Variants in SHISA9 observed in about 807,000 individuals in gnomAD.
The protein encoded by SHISA9 is shisa family member 9, also known as protein shisa-9.
In SHISA9, 13 loss-of-function variants were observed where a neutral mutation model predicts 38.0. The ratio of observed to expected loss-of-function variants is 0.34; its 90% CI spans 0.22 to 0.54. SHISA9 has a LOEUF of 0.54. SHISA9 is among the 20% of genes least tolerant of loss of function. The probability of loss-of-function intolerance (pLI) is 0.91; values close to 1 mark genes in which losing one functional copy is unlikely to be tolerated. For synonymous variants in SHISA9, 275 were observed against 242.0 expected (o/e 1.14, Z -1.27); for missense variants, 538 against 575.8 (o/e 0.93, Z 0.67).
intron 2 of SHISA9, among the ~76,000 whole-genome samples, chr16:13,175,953 G>C (rs191085893): frequency 6.6e-6 from 1 of 152,182 alleles, no homozygotes; most frequent in South Asian, 2.1e-4. Context: ...ACCGAGGTAT[G>C]TTCTCACTCT....
chr16:13,505,258 A>G, the SHISA9 span, among the ~76,000 whole-genome samples: 2 of 152,204 alleles, frequency 1.3e-5, no homozygotes, highest in Admixed American at 6.5e-5. Context: ...GCCTGGCATA[A>G]GAAAGTCCAA....
chr16:13,339,643 G>T, the SHISA9 span, among the ~76,000 whole-genome samples: 1 of 152,030 alleles, frequency 6.6e-6, no homozygotes, highest in Non-Finnish European at 1.5e-5. Flanking sequence ...TGAGAAAGAG[G>T]TGTGGAGAAA....
the SHISA9 span, among the ~76,000 whole-genome samples, chr16:13,352,065 A>T: frequency 1.3e-5 from 2 of 152,160 alleles, no homozygotes; most frequent in Non-Finnish European, 2.9e-5. Flanking sequence ...TGGAGAGAGG[A>T]TGTGATAGCT....
At chr16:13,074,655 T>C (rs193250286) in intron 2 of SHISA9, among the ~76,000 whole-genome samples, 360 of 151,424 alleles carry the variant, frequency 2.4e-3, no homozygotes, top group Non-Finnish European at 4.1e-3. Context: ...TTTTCTTTTC[T>C]CTTTTTCTTT....
the SHISA9 span, among the ~76,000 whole-genome samples, chr16:13,467,957 C>A: frequency 1.1e-4 from 16 of 152,282 alleles, no homozygotes; most frequent in East Asian, 2.7e-3. Context: ...ATGTCGCTAT[C>A]CTTCATGGTG....
At chr16:13,104,955 A>G (rs567680983) in intron 2 of SHISA9, among the ~76,000 whole-genome samples, 56 of 152,290 alleles carry the variant, frequency 3.7e-4, no homozygotes, top group Non-Finnish European at 6.6e-4. Context: ...GCCACTGTCA[A>G]TTACTTACGT....
At chr16:13,214,138 T>C (rs1394257852) in intron 4 of SHISA9, among the ~76,000 whole-genome samples, 1 of 152,198 alleles carries the variant, frequency 6.6e-6, no homozygotes, top group Non-Finnish European at 1.5e-5. Context: ...CCCTTCTCCA[T>C]ATGCTTTGTT....
intron 2 of SHISA9, among the ~76,000 whole-genome samples, chr16:12,986,169 T>G (rs1195516671): frequency 2.0e-5 from 3 of 152,220 alleles, no homozygotes; most frequent in Non-Finnish European, 1.5e-5. Flanking sequence ...AAGGATCTAC[T>G]TCTACAGAAC....
intron 2 of SHISA9, among the ~76,000 whole-genome samples, chr16:13,036,590 T>C (rs1453367452): frequency 6.6e-6 from 1 of 152,138 alleles, no homozygotes; most frequent in Non-Finnish European, 1.5e-5. Flanking sequence ...GTCATCAAAA[T>C]GTACAATTAA....
chr16:13,421,689 T>C, the SHISA9 span, among the ~76,000 whole-genome samples: 1 of 152,360 alleles, frequency 6.6e-6, no homozygotes, highest in South Asian at 2.1e-4. Flanking sequence ...TTTTAATTTA[T>C]GTCATTTTGT....
At chr16:13,002,743 G>C (rs2072541949) in intron 2 of SHISA9, among the ~76,000 whole-genome samples, 1 of 151,912 alleles carries the variant, frequency 6.6e-6, no homozygotes, top group Admixed American at 6.6e-5. Context: ...ACGTTGGCCA[G>C]GCTGGTCTGG....
chr16:13,100,638 C>T (rs1389839495), intron 2 of SHISA9, among the ~76,000 whole-genome samples: 1 of 152,134 alleles, frequency 6.6e-6, no homozygotes, highest in African/African-American at 2.4e-5. Flanking sequence ...AGTGTGCACT[C>T]CAGGAGAAAG....
At chr16:12,967,481 G>A (rs1195232089) in intron 2 of SHISA9, among the ~76,000 whole-genome samples, 2 of 151,946 alleles carry the variant, frequency 1.3e-5, no homozygotes, top group Non-Finnish European at 2.9e-5. Context: ...AATGGGTGCA[G>A]CACACCAATA....
At chr16:12,943,310 TGTGTGTGTGTGTGTGTGTGTGAGAGAGA>T (rs2071638893) in intron 2 of SHISA9, among the ~76,000 whole-genome samples, 10 of 104,518 alleles carry the variant, frequency 9.6e-5, no homozygotes, top group African/African-American at 3.7e-4. Flanking sequence ...TGTGTGTGTG[TGTGTGTGTGTGTGTGTGTGTGAGAGAGA>T]GAGAGAGAGA....
chr16:13,417,091 C>G, the SHISA9 span, among the ~76,000 whole-genome samples: 6 of 152,126 alleles, frequency 3.9e-5, no homozygotes, highest in East Asian at 1.2e-3. Flanking sequence ...TCCTGCTTGC[C>G]GAAGGCACCT....
At chr16:13,193,607 A>G (rs1402623243) in intron 2 of SHISA9, among the ~76,000 whole-genome samples, 2 of 152,198 alleles carry the variant, frequency 1.3e-5, no homozygotes, top group Non-Finnish European at 2.9e-5. Flanking sequence ...TGGACTCCCA[A>G]AGTGCTGTGA....
chr16:13,535,061 A>G, the SHISA9 span, among the ~76,000 whole-genome samples: 3 of 152,110 alleles, frequency 2.0e-5, no homozygotes, highest in Non-Finnish European at 2.9e-5. Context: ...CCTGACCAAC[A>G]TGGTAAAACC....
intron 2 of SHISA9, among the ~76,000 whole-genome samples, chr16:13,096,068 C>T (rs2073823053): frequency 6.6e-6 from 1 of 152,242 alleles, no homozygotes. Flanking sequence ...ATCCCTGCTT[C>T]ACTGGGTATT....
chr16:13,199,685 G>C (rs1244171430), intron 2 of SHISA9, among the ~76,000 whole-genome samples: 1 of 152,180 alleles, frequency 6.6e-6, no homozygotes, highest in African/African-American at 2.4e-5. Context: ...GACTCCAATG[G>C]TTCCAAGTAG....
Sources: allele counts gnomAD v4.1 joint callset (sites outside exome capture counted in the v4.1 genomes callset), GRCh38; gene constraint gnomAD v4.1.1; transcripts MANE v1.5; gene names NCBI Gene and HGNC (gene_info 2026-07-23, HGNC 2026-07-21).